STK3: variants seen among roughly 807,000 people sequenced by gnomAD.
STK3 encodes the protein serine/threonine-protein kinase 3.
Under a neutral mutation model 58.0 loss-of-function variants are expected in STK3, and 41 were observed. The ratio of observed to expected loss-of-function variants is 0.71; its 90% CI spans 0.55 to 0.92. STK3 has a LOEUF of 0.92. Among genes scored for constraint, STK3 ranks in the 40% least tolerant of loss-of-function variants. The pLI is 0.00. For synonymous variants in STK3, 170 were observed against 191.0 expected, an observed-to-expected ratio of 0.89 and a Z score of 0.91; for missense variants, 479 against 602.7, an observed-to-expected ratio of 0.79 and a Z score of 2.15.
At chr8:98,546,431 T>C (rs1810707911) in intron 9 of STK3, among the ~76,000 whole-genome samples, 1 of 152,136 alleles carries the variant, frequency 6.6e-6, no homozygotes, top group Non-Finnish European at 1.5e-5. Context: ...GCATGAAAAG[T>C]TGTTCATATA....
chr8:98,618,450 G>C (rs1817957303), intron 6 of STK3, among the ~76,000 whole-genome samples: 1 of 152,092 alleles, frequency 6.6e-6, no homozygotes, highest in African/African-American at 2.4e-5. Flanking sequence ...CATAGTGTTG[G>C]AAGTTCTGGC....
chr8:98,584,860 C>A (rs1190869386), intron 7 of STK3, among the ~76,000 whole-genome samples: 74 of 145,508 alleles, frequency 5.1e-4, no homozygotes, highest in Middle Eastern at 3.5e-3. Flanking sequence ...TGATGATGAG[C>A]ATTTTTTCAT....
chr8:98,441,344 T>C (rs1381936286), intron 1 of STK3, among the ~76,000 whole-genome samples: 1 of 152,252 alleles, frequency 6.6e-6, no homozygotes, highest in Non-Finnish European at 1.5e-5. Flanking sequence ...GAGATATTTT[T>C]CCATATCAGT....
chr8:98,366,293 C>T (rs1817563964), downstream of STK3, among the ~76,000 whole-genome samples: 1 of 152,142 alleles, frequency 6.6e-6, no homozygotes, highest in Non-Finnish European at 1.5e-5. Context: ...GAATTGTTGG[C>T]TTATAGTCTT....
intron 2 of STK3, among the ~76,000 whole-genome samples, chr8:98,374,870 A>G (rs2130993389): frequency 6.6e-6 from 1 of 152,304 alleles, no homozygotes; most frequent in East Asian, 1.9e-4. Context: ...GGGGCTAGAG[A>G]AGGTTGGTAG....
At chr8:98,700,966 G>T (rs1222222748) in intron 6 of STK3, among the ~76,000 whole-genome samples, 4 of 152,296 alleles carry the variant, frequency 2.6e-5, no homozygotes, top group South Asian at 2.1e-4. Flanking sequence ...TGGCGCCACT[G>T]CACTCCAGCC....
intron 1 of STK3, among the ~76,000 whole-genome samples, chr8:98,385,795 T>C (rs748506375): frequency 1.3e-5 from 2 of 152,124 alleles, no homozygotes; most frequent in African/African-American, 4.8e-5. Flanking sequence ...AAGTCACTAT[T>C]TTTATGGCCT....
chr8:98,848,152 C>T (rs961231247), intron 3 of STK3, among the ~76,000 whole-genome samples: 2 of 152,100 alleles, frequency 1.3e-5, no homozygotes, highest in Non-Finnish European at 2.9e-5. Flanking sequence ...CACCATAATC[C>T]ATTTTAGAAC....
At chr8:98,542,436 T>A (rs1412681305) in intron 9 of STK3, among the ~76,000 whole-genome samples, 1 of 152,182 alleles carries the variant, frequency 6.6e-6, no homozygotes, top group Non-Finnish European at 1.5e-5. Flanking sequence ...CTTATTCATG[T>A]TGATGCTACT....
chr8:98,667,822 A>G (rs1023512354), intron 6 of STK3, among the ~76,000 whole-genome samples: 1 of 152,042 alleles, frequency 6.6e-6, no homozygotes, highest in Non-Finnish European at 1.5e-5. Context: ...TTGAACTACA[A>G]TCTTCAATGT....
At chr8:98,851,405 A>G (rs1254372325) in intron 3 of STK3, among the ~76,000 whole-genome samples, 4 of 152,188 alleles carry the variant, frequency 2.6e-5, no homozygotes, top group African/African-American at 9.6e-5. Context: ...GAGGTTGCAG[A>G]GTCAGAGGGG....
chr8:98,380,086 T>A (rs1586542701), intron 1 of STK3, among the ~76,000 whole-genome samples: 1 of 152,324 alleles, frequency 6.6e-6, no homozygotes, highest in East Asian at 1.9e-4. Context: ...TTATGAGGTA[T>A]CTAAAATAGT....
intron 3 of STK3, among the ~76,000 whole-genome samples, chr8:98,414,394 A>G (rs1339038589): frequency 6.6e-6 from 1 of 152,208 alleles, no homozygotes; most frequent in Non-Finnish European, 1.5e-5. Flanking sequence ...TTTGTATTAC[A>G]ATTCCAACAA....
rs1332823938 is a variant in STK3, at chr8:98,460,915, T to C, written c.1318-4915A>G. ...TGAGACTTGTTTTAGGCCTATCATA[T>C]GGTTTATCTTGGAGAATGTTTAATT... is the stretch of plus-strand genomic sequence containing the variant. On this transcript the variant is annotated intron_variant, in intron 10 of 10. Transcript: ENST00000419617. 2.6e-5 allele frequency among the ~76,000 whole-genome samples: 4 copies of C among 152,216 alleles called. No individual in the cohort carries two copies. The East Asian group carries it at 5.8e-4, about 22-fold the overall frequency.
chr8:98,784,763 T>C (rs940172616), intron 1 of STK3, among the ~76,000 whole-genome samples: 1 of 152,010 alleles, frequency 6.6e-6, no homozygotes, highest in Non-Finnish European at 1.5e-5. Context: ...CCCAGGCATC[T>C]AATGCACCTG....
chr8:98,908,714 G>A (rs761019303), intron 1 of STK3, among the ~76,000 whole-genome samples: 53 of 151,660 alleles, frequency 3.5e-4, no homozygotes, highest in Non-Finnish European at 6.2e-4. Flanking sequence ...GTGGTGGCAG[G>A]CACCTGTAAT....
chr8:98,834,919 T>C (rs957834431), intron 3 of STK3, among the ~76,000 whole-genome samples: 2 of 151,988 alleles, frequency 1.3e-5, no homozygotes, highest in African/African-American at 2.4e-5. Flanking sequence ...ACAAGTGGGG[T>C]GTAAGGAAAA....
intron 3 of STK3, among the ~76,000 whole-genome samples, chr8:98,848,947 C>T (rs993011576): frequency 6.6e-6 from 1 of 152,016 alleles, no homozygotes; most frequent in Non-Finnish European, 1.5e-5. Flanking sequence ...TTAAAAGCAG[C>T]CAGGCACAGT....
intron 3 of STK3, among the ~76,000 whole-genome samples, chr8:98,848,980 A>T (rs1165546320): frequency 6.6e-6 from 1 of 152,146 alleles, no homozygotes; most frequent in East Asian, 1.9e-4. Flanking sequence ...TAATCCTAGC[A>T]CTTTGGGAGG....
Sources: allele counts gnomAD v4.1 joint callset (sites outside exome capture counted in the v4.1 genomes callset), GRCh38; gene constraint gnomAD v4.1.1; transcripts MANE v1.5; gene names NCBI Gene and HGNC (gene_info 2026-07-23, HGNC 2026-07-21).